Variants in OLA1 observed in about 807,000 individuals in gnomAD.
OLA1 encodes the protein obg-like ATPase 1.
Under a neutral mutation model 48.4 loss-of-function variants are expected in OLA1, and 14 were observed. That is an observed-to-expected ratio of 0.29 (90% CI 0.19 to 0.45). The LOEUF (loss-of-function observed/expected upper bound fraction) is 0.45, where lower values mean the gene tolerates loss of function less well. Among genes scored for constraint, OLA1 ranks in the 20% least tolerant of loss-of-function variants. The pLI is 1.00. For synonymous variants in OLA1, 127 were observed against 150.4 expected, an observed-to-expected ratio of 0.84 and a Z score of 1.14; for missense variants, 325 against 467.1, an observed-to-expected ratio of 0.70 and a Z score of 2.80.
At chr2:174,107,202 A>T (rs562420455) in intron 7 of OLA1, among the ~76,000 whole-genome samples, 17 of 152,264 alleles carry the variant, frequency 1.1e-4, no homozygotes, top group African/African-American at 3.6e-4. Flanking sequence ...CTGCATTAAC[A>T]ATTAAAAATG....
intron 5 of OLA1, among the ~76,000 whole-genome samples, chr2:174,130,183 C>T (rs1686145553): frequency 1.3e-5 from 2 of 152,274 alleles, no homozygotes. Flanking sequence ...CTCTCTGAAT[C>T]ACAGTATTAA....
intron 4 of OLA1, among the ~76,000 whole-genome samples, chr2:174,200,591 A>G (rs1223846714): frequency 6.6e-6 from 1 of 152,200 alleles, no homozygotes; most frequent in Non-Finnish European, 1.5e-5. Context: ...TTCCCCTGGA[A>G]CAACTGGAAT....
intron 7 of OLA1, among the ~76,000 whole-genome samples, chr2:174,088,154 C>T (rs567952862): frequency 4.1e-4 from 62 of 152,274 alleles, no homozygotes; most frequent in African/African-American, 1.4e-3. Flanking sequence ...AATTAAGTAA[C>T]GTAGCATCAT....
At chr2:174,214,231 G>T (rs1688311075) in intron 4 of OLA1, among the ~76,000 whole-genome samples, 1 of 152,078 alleles carries the variant, frequency 6.6e-6, no homozygotes, top group Admixed American at 6.5e-5. Flanking sequence ...TACTCAGAGG[G>T]CTAAGGCATG....
chr2:174,186,273 CAAGT>C (rs1264047394), intron 4 of OLA1, among the ~76,000 whole-genome samples: 2 of 152,086 alleles, frequency 1.3e-5, no homozygotes, highest in East Asian at 1.9e-4. Context: ...AAAAAATAAA[CAAGT>C]AAGACCAAAC....
intron 5 of OLA1, among the ~76,000 whole-genome samples, chr2:174,126,852 T>C (rs1369865485): frequency 6.6e-6 from 1 of 152,210 alleles, no homozygotes; most frequent in Non-Finnish European, 1.5e-5. Flanking sequence ...TATGTATACT[T>C]TTTCATCTGT....
In OLA1 at chr2:174,157,714, T is replaced by C. The variant is rs529194051; in HGVS notation, c.374-15714A>G. Among the ~76,000 whole-genome samples the C allele has an allele frequency of 3.3e-5, 5 of 152,232 alleles. No homozygotes were observed. In the East Asian group the frequency reaches 7.7e-4, roughly 24 times the overall value. On this transcript the variant is annotated intron_variant, in intron 4 of 10. Transcript: ENST00000284719. ...TGACTTCTATCTAATTTTTCTAAGATATAGAAGGGGAAATACAGAAATGTA... is the reference window on the plus strand; with the variant it reads ...TGACTTCTATCTAATTTTTCTAAGACATAGAAGGGGAAATACAGAAATGTA...
At chr2:174,091,869 CAAAAAAAAAAAAAAAAAAAAAAAAA>C (rs1174747360) in intron 7 of OLA1, among the ~76,000 whole-genome samples, 3 of 22,982 alleles carry the variant, frequency 1.3e-4, no homozygotes, top group Non-Finnish European at 1.9e-4. Context: ...GACTCTGCCT[CAAAAAAAAAAAAAAAAAAAAAAAAA>C]AAAAAAAAAA....
chr2:174,206,602 T>C (rs1335768093), intron 4 of OLA1, among the ~76,000 whole-genome samples: 1 of 114,014 alleles, frequency 8.8e-6, no homozygotes, highest in East Asian at 7.6e-4. Flanking sequence ...CACTTAGATA[T>C]AAGACCACCA....
intron 8 of OLA1, 135 bp downstream of exon 8, chr2:174,081,789 T>C (rs965065214): frequency 2.5e-5 from 21 of 831,318 alleles, no homozygotes; most frequent in East Asian, 2.1e-4. Flanking sequence ...CTCTGTCTCA[T>C]GGTAAAGAAA....
At chr2:174,213,503 A>AG (rs1688293111) in intron 4 of OLA1, among the ~76,000 whole-genome samples, 1 of 152,212 alleles carries the variant, frequency 6.6e-6, no homozygotes, top group Non-Finnish European at 1.5e-5. Flanking sequence ...AGAAAAAAAA[A>AG]AGGCTAAGGA....
chr2:174,182,355 T>C (rs1180730792), intron 4 of OLA1, among the ~76,000 whole-genome samples: 1 of 152,030 alleles, frequency 6.6e-6, no homozygotes, highest in Non-Finnish European at 1.5e-5. Flanking sequence ...AGAACCCCTG[T>C]CTCTACTAAA....
At chr2:174,189,179 T>G (rs1232199942) in intron 4 of OLA1, among the ~76,000 whole-genome samples, 4 of 152,012 alleles carry the variant, frequency 2.6e-5, no homozygotes, top group African/African-American at 9.7e-5. Flanking sequence ...TAGGTCTCAG[T>G]GCATATAAAC....
At chr2:174,087,311 C>T (rs1392525417) in intron 7 of OLA1, among the ~76,000 whole-genome samples, 4 of 152,174 alleles carry the variant, frequency 2.6e-5, no homozygotes, top group Non-Finnish European at 2.9e-5. Context: ...CAGGCGTGAG[C>T]CACTGCACTC....
chr2:174,186,252 A>T (rs141793037), intron 4 of OLA1, among the ~76,000 whole-genome samples: 46 of 152,356 alleles, frequency 3.0e-4, no homozygotes, highest in African/African-American at 9.9e-4. Context: ...CCGATTCTTA[A>T]GTTTGTATGG....
At chr2:174,194,496 T>A (rs1231977544) in intron 4 of OLA1, among the ~76,000 whole-genome samples, 1 of 152,018 alleles carries the variant, frequency 6.6e-6, no homozygotes, top group Non-Finnish European at 1.5e-5. Flanking sequence ...AGGGTGGGAG[T>A]GATACTCCTT....
intron 4 of OLA1, among the ~76,000 whole-genome samples, chr2:174,166,178 T>A (rs759105490): frequency 6.6e-6 from 1 of 151,664 alleles, no homozygotes; most frequent in Non-Finnish European, 1.5e-5. Flanking sequence ...GAAGATAGTA[T>A]CTGATAAATT....
intron 7 of OLA1, among the ~76,000 whole-genome samples, chr2:174,121,526 C>G (rs888668949): frequency 1.3e-5 from 2 of 152,072 alleles, no homozygotes; most frequent in Non-Finnish European, 2.9e-5. Context: ...AACCCTCCCC[C>G]CAAGACATAC....
chr2:174,101,523 T>C (rs1685398034), intron 7 of OLA1, among the ~76,000 whole-genome samples: 1 of 152,214 alleles, frequency 6.6e-6, no homozygotes, highest in Admixed American at 6.5e-5. Context: ...GGTCCATTTA[T>C]TTTTCCTTTT....
Sources: gnomAD v4.1 joint callset for allele counts (sites outside exome capture counted in the v4.1 genomes callset) on GRCh38, gnomAD v4.1.1 for gene constraint, MANE v1.5 for transcripts, NCBI Gene and HGNC (gene_info 2026-07-23, HGNC 2026-07-21) for gene names.